Variants in DYM observed in about 807,000 individuals in gnomAD.
DYM encodes the protein dymeclin, also known as dyggve-Melchior-Clausen syndrome protein.
Under a neutral mutation model 93.1 loss-of-function variants are expected in DYM, and 78 were observed. The observed-to-expected ratio is 0.84, with a 90% CI of 0.70 to 1.01. The LOEUF (loss-of-function observed/expected upper bound fraction) is 1.01. Ranked by LOEUF, DYM falls within the 50% of genes least tolerant of loss-of-function variation. The pLI is 0.00. For missense variants in DYM, 789 were observed against 845.0 expected, an observed-to-expected ratio of 0.93 and a Z score of 0.82; for synonymous variants, 321 against 319.7, an observed-to-expected ratio of 1.00 and a Z score of -0.04.
At chr18:49,425,654 G>C (rs2074208365) in intron 2 of DYM, among the ~76,000 whole-genome samples, 1 of 152,096 alleles carries the variant, frequency 6.6e-6, no homozygotes, top group Admixed American at 6.5e-5. Context: ...ATCTGACAAA[G>C]GGCTAATATC....
chr18:49,124,371 T>C (rs184212514), intron 15 of DYM, among the ~76,000 whole-genome samples: 4 of 151,912 alleles, frequency 2.6e-5, no homozygotes, highest in Admixed American at 2.6e-4. Flanking sequence ...AGGAGTGATG[T>C]GGTGGTGCAT....
intron 6 of DYM, among the ~76,000 whole-genome samples, chr18:49,360,141 C>T (rs975705550): frequency 2.0e-5 from 3 of 151,948 alleles, no homozygotes; most frequent in Non-Finnish European, 4.4e-5. Flanking sequence ...AATCGGCTTG[C>T]TCCTCAAGAG....
chr18:49,282,220 T>G (rs1364297221), intron 9 of DYM, 45 bp from the exon 10 acceptor site: 1 of 1,522,376 alleles, frequency 6.6e-7, no homozygotes, highest in Non-Finnish European at 9.1e-7. Flanking sequence ...AGCTGTGCTT[T>G]ATATAAATAA....
At chr18:49,084,145 G>A (rs778239795) in intron 17 of DYM, among the ~76,000 whole-genome samples, 1 of 152,080 alleles carries the variant, frequency 6.6e-6, no homozygotes, top group Admixed American at 6.5e-5. Context: ...AGCACCACTT[G>A]AGCCGCATCT....
At chr18:49,197,589 T>G (rs2091586085) in intron 14 of DYM, among the ~76,000 whole-genome samples, 1 of 152,064 alleles carries the variant, frequency 6.6e-6, no homozygotes. Flanking sequence ...TTTTAAAAAT[T>G]TATCTATTAT....
At chr18:49,312,141 T>C (rs2061634758) in intron 8 of DYM, among the ~76,000 whole-genome samples, 1 of 152,128 alleles carries the variant, frequency 6.6e-6, no homozygotes, top group Non-Finnish European at 1.5e-5. Context: ...TATATTGGGA[T>C]TGGGGGACGT....
rs151216747 is a variant in DYM, at chr18:49,293,847, T to C, written c.764-7231A>G. Among the ~76,000 whole-genome samples, 644 of 152,314 alleles carry C rather than the reference T, an allele frequency of 4.2e-3. 23 individuals are homozygous for C. The East Asian group carries it at 0.079, about 19-fold the overall frequency. ...AGATCCCATTTGTCAATTTTGGCTT[T>C]TGTTGTCATTGCTTTTGATGTTTTA... On this transcript the variant is annotated intron_variant, in intron 8 of 17. Transcript: ENST00000675505.
chr18:49,067,508 G>A (rs1020996637), intron 17 of DYM, among the ~76,000 whole-genome samples: 1 of 149,662 alleles, frequency 6.7e-6, no homozygotes, highest in African/African-American at 2.5e-5. Context: ...CGGAAGTTTA[G>A]TAGGGAAGGA....
chr18:49,317,693 CTT>C (rs1242047437), intron 8 of DYM, among the ~76,000 whole-genome samples: 1 of 96,060 alleles, frequency 1.0e-5, no homozygotes, highest in Admixed American at 1.1e-4. Flanking sequence ...TCCTTCCTTT[CTT>C]TCTTTCTTTC....
intron 5 of DYM, among the ~76,000 whole-genome samples, 197 bp from the exon 6 acceptor site, chr18:49,363,430 CT>C (rs1686533744): frequency 6.6e-6 from 1 of 152,150 alleles, no homozygotes; most frequent in South Asian, 2.1e-4. Context: ...AGCATAGGAC[CT>C]TTCAACACCT....
chr18:49,219,247 A>C (rs1281986389), intron 13 of DYM, among the ~76,000 whole-genome samples: 1 of 152,228 alleles, frequency 6.6e-6, no homozygotes, highest in Non-Finnish European at 1.5e-5. Context: ...CAGGATCTGA[A>C]ATTGTGGCAA....
At chr18:49,289,595 CAGCTACTCATGAGGCT>C (rs1389959101) in intron 8 of DYM, among the ~76,000 whole-genome samples, 1 of 148,878 alleles carries the variant, frequency 6.7e-6, no homozygotes, top group African/African-American at 2.5e-5. Flanking sequence ...CTTGTAGTCC[CAGCTACTCATGAGGCT>C]GAAGCAGGAG....
Position 49,086,658 on chromosome 18 carries a change from A to G in DYM, c.2025+10744T>C, listed in dbSNP as rs371475551. 3.1e-4 allele frequency among the ~76,000 whole-genome samples: 47 copies of G among 152,244 alleles called. 1 individual carries two copies. Among genetic ancestry groups the G allele is most frequent in the African/African-American group, 1.1e-3 (46 of 41,532 alleles). ...GAGGCTTTGGGGAAATAATTAGGGC[A>G]TGAAGGTGGAGCCTCATGAAGGGGA... On this transcript the variant is annotated intron_variant, in intron 17 of 17. Transcript: ENST00000675505.
intron 2 of DYM, among the ~76,000 whole-genome samples, chr18:49,412,604 T>G (rs1477693095): frequency 6.6e-6 from 1 of 152,074 alleles, no homozygotes; most frequent in African/African-American, 2.4e-5. Context: ...CAAGCAAACC[T>G]ACAAAGAAAA....
intron 6 of DYM, among the ~76,000 whole-genome samples, chr18:49,345,904 A>G (rs545682141): frequency 6.6e-6 from 1 of 152,342 alleles, no homozygotes; most frequent in East Asian, 1.9e-4. Flanking sequence ...AAACAAATTA[A>G]CAATGTCCAT....
chr18:49,294,647 A>T (rs2060406592), intron 8 of DYM, among the ~76,000 whole-genome samples: 1 of 152,178 alleles, frequency 6.6e-6, no homozygotes, highest in Non-Finnish European at 1.5e-5. Context: ...AATGAACTCA[A>T]ATGCTTGATA....
At chr18:49,399,938 T>TC (rs2070598143) in intron 2 of DYM, among the ~76,000 whole-genome samples, 2 of 103,654 alleles carry the variant, frequency 1.9e-5, no homozygotes, top group Non-Finnish European at 3.9e-5. Flanking sequence ...ATTTTTCTTT[T>TC]TTTTTTTTTT....
intron 1 of DYM, among the ~76,000 whole-genome samples, chr18:49,452,116 T>A (rs1456131324): frequency 6.6e-6 from 1 of 152,190 alleles, no homozygotes; most frequent in African/African-American, 2.4e-5. Flanking sequence ...ACCCTCACAG[T>A]GAGTGTTACA....
At chr18:49,310,383 G>A (rs2061517698) in intron 8 of DYM, among the ~76,000 whole-genome samples, 1 of 152,274 alleles carries the variant, frequency 6.6e-6, no homozygotes, top group East Asian at 1.9e-4. Flanking sequence ...CTTTAATAAA[G>A]TATAAAAATC....
Sources: allele counts gnomAD v4.1 joint callset (sites outside exome capture counted in the v4.1 genomes callset), GRCh38; gene constraint gnomAD v4.1.1; transcripts MANE v1.5; gene names NCBI Gene and HGNC (gene_info 2026-07-23, HGNC 2026-07-21).